Variants in ZNF385D observed in about 807,000 individuals in gnomAD.
The protein encoded by ZNF385D is zinc finger protein 659.
A neutral mutation model predicts 35.8 loss-of-function variants in ZNF385D; 15 were observed. The ratio of observed to expected loss-of-function variants is 0.42; its 90% CI spans 0.28 to 0.64. ZNF385D has a LOEUF of 0.64. Ranked by LOEUF, ZNF385D falls within the 30% of genes least tolerant of loss-of-function variation. ZNF385D has a pLI of 0.23. For synonymous variants in ZNF385D, 212 were observed against 186.8 expected (o/e 1.13, Z -1.10); for missense variants, 474 against 494.6 (o/e 0.96, Z 0.39).
chr3:22,356,114 G>A (rs1696136800), intron 2 of ZNF385D, among the ~76,000 whole-genome samples: 2 of 151,978 alleles, frequency 1.3e-5, no homozygotes, highest in Admixed American at 1.3e-4. Flanking sequence ...GTTTTAAGCA[G>A]CTTGAGATTT....
At chr3:22,284,211 G>T (rs1011382514) in intron 2 of ZNF385D, among the ~76,000 whole-genome samples, 3 of 151,936 alleles carry the variant, frequency 2.0e-5, no homozygotes, top group Admixed American at 1.3e-4. Context: ...TTTTGTTTTT[G>T]AGACGGAGTC....
chr3:22,165,998 G>A (rs536461220), intron 3 of ZNF385D, among the ~76,000 whole-genome samples: 116 of 149,446 alleles, frequency 7.8e-4, no homozygotes, highest in Admixed American at 1.1e-3. Flanking sequence ...CAGATAATGT[G>A]ATTGACACTT....
chr3:21,882,233 G>A (rs981854305), intron 3 of ZNF385D, among the ~76,000 whole-genome samples: 2 of 151,942 alleles, frequency 1.3e-5, no homozygotes, highest in African/African-American at 2.4e-5. Context: ...AGAAAATGCA[G>A]TAAACATCTT....
At chr3:21,471,922 T>C (rs1703922148) in intron 4 of ZNF385D, among the ~76,000 whole-genome samples, 1 of 152,140 alleles carries the variant, frequency 6.6e-6, no homozygotes, top group Admixed American at 6.6e-5. Flanking sequence ...CATACATAAG[T>C]TCAGAAAACA....
chr3:21,939,599 C>A (rs150800201), intron 3 of ZNF385D, among the ~76,000 whole-genome samples: 2 of 152,040 alleles, frequency 1.3e-5, no homozygotes, highest in Admixed American at 1.3e-4. Flanking sequence ...ATTAAATATC[C>A]AGTCCTTATA....
At chr3:22,059,066 G>A (rs1357485239) in intron 3 of ZNF385D, among the ~76,000 whole-genome samples, 6 of 152,174 alleles carry the variant, frequency 3.9e-5, no homozygotes, top group East Asian at 1.9e-4. Flanking sequence ...TGTTTGGGGC[G>A]GCCAAGCAGC....
At chr3:21,509,882 A>G (rs1707072222) in intron 4 of ZNF385D, among the ~76,000 whole-genome samples, 1 of 152,252 alleles carries the variant, frequency 6.6e-6, no homozygotes. Context: ...AAGAGCTGAT[A>G]TGTGTCCATT....
chr3:21,689,984 C>T (rs1376093908), intron 1 of ZNF385D, among the ~76,000 whole-genome samples: 2 of 150,810 alleles, frequency 1.3e-5, no homozygotes, highest in Non-Finnish European at 2.9e-5. Flanking sequence ...AAGTGAAACA[C>T]TAATATTTTT....
intron 3 of ZNF385D, among the ~76,000 whole-genome samples, chr3:22,082,744 C>T (rs1700820516): frequency 6.6e-6 from 1 of 152,236 alleles, no homozygotes. Flanking sequence ...AAACAGACTG[C>T]CTCCACAAGT....
chr3:21,440,223 TATAA>T (rs1349540840), intron 4 of ZNF385D, among the ~76,000 whole-genome samples: 2 of 152,126 alleles, frequency 1.3e-5, no homozygotes, highest in Admixed American at 6.6e-5. Flanking sequence ...AATTACCAGT[TATAA>T]ATAATTATTG....
At chr3:22,240,198 A>G (rs1364011679) in intron 2 of ZNF385D, among the ~76,000 whole-genome samples, 6 of 127,326 alleles carry the variant, frequency 4.7e-5, no homozygotes, top group African/African-American at 1.7e-4. Context: ...AAAAAAAAAA[A>G]AAAAAGATTT....
At chr3:21,808,836 G>C (rs549861867) in intron 3 of ZNF385D, among the ~76,000 whole-genome samples, 1 of 152,266 alleles carries the variant, frequency 6.6e-6, no homozygotes. Context: ...ACAATGATGT[G>C]GAACACTGCT....
chr3:22,157,027 C>T (rs542259600), intron 3 of ZNF385D, among the ~76,000 whole-genome samples: 40 of 152,230 alleles, frequency 2.6e-4, no homozygotes, highest in Middle Eastern at 3.4e-3. Flanking sequence ...TCCTCTTTTT[C>T]TGAAGCTCTC....
chr3:21,864,975 A>G (rs1697259374), intron 3 of ZNF385D, among the ~76,000 whole-genome samples: 1 of 117,526 alleles, frequency 8.5e-6, no homozygotes, highest in East Asian at 2.6e-4. Flanking sequence ...CAGCCAACCT[A>G]CGTTTGGAAC....
At chr3:21,697,949 C>G (rs1317746514) in intron 1 of ZNF385D, among the ~76,000 whole-genome samples, 1 of 152,096 alleles carries the variant, frequency 6.6e-6, no homozygotes, top group East Asian at 1.9e-4. Context: ...AAAAAACCAA[C>G]AGATATCGTC....
intron 1 of ZNF385D, among the ~76,000 whole-genome samples, chr3:21,699,316 C>A (rs893390993): frequency 6.6e-6 from 1 of 151,864 alleles, no homozygotes; most frequent in African/African-American, 2.4e-5. Context: ...GGGAGGGGAA[C>A]ATCACACACC....
chr3:21,613,504 C>T (rs369326227), intron 2 of ZNF385D, among the ~76,000 whole-genome samples: 4 of 152,058 alleles, frequency 2.6e-5, no homozygotes, highest in African/African-American at 9.7e-5. Context: ...CAAGCTTCAT[C>T]AGTTTCACAG....
At chr3:22,042,709 A>T (rs867622605) in intron 3 of ZNF385D, among the ~76,000 whole-genome samples, 8 of 152,260 alleles carry the variant, frequency 5.3e-5, no homozygotes, top group Middle Eastern at 3.4e-3. Context: ...TCACTAAGAA[A>T]AGGTATTGGC....
At chr3:21,776,800 G>A (rs907346297) in intron 3 of ZNF385D, among the ~76,000 whole-genome samples, 3 of 151,814 alleles carry the variant, frequency 2.0e-5, no homozygotes, top group Non-Finnish European at 2.9e-5. Context: ...TATTCTTTAC[G>A]GCTACCAGAA....
Sources: gnomAD v4.1 joint callset for allele counts (sites outside exome capture counted in the v4.1 genomes callset) on GRCh38, gnomAD v4.1.1 for gene constraint, MANE v1.5 for transcripts, NCBI Gene and HGNC (gene_info 2026-07-23, HGNC 2026-07-21) for gene names.